UMAD1: variants seen among roughly 807,000 people sequenced by gnomAD.
UMAD1 encodes the protein UBAP1-MVB12-associated (UMA)-domain containing protein 1.
In UMAD1, 8 loss-of-function variants were observed where a neutral mutation model predicts 6.1. That is an observed-to-expected ratio of 1.30 (90% CI 0.76 to 2.35). The LOEUF (loss-of-function observed/expected upper bound fraction) is 2.35. Among genes scored for constraint, UMAD1 ranks in the 30% most tolerant of loss-of-function variants. The pLI is 0.00. For missense variants in UMAD1, 130 were observed against 78.4 expected, an observed-to-expected ratio of 1.66 and a Z score of -2.49; for synonymous variants, 56 against 31.4, an observed-to-expected ratio of 1.78 and a Z score of -2.61.
chr7:7,786,927 A>G (rs1490843852), intron 2 of UMAD1, among the ~76,000 whole-genome samples: 2 of 152,232 alleles, frequency 1.3e-5, no homozygotes, highest in Admixed American at 6.5e-5. Flanking sequence ...CTACTCTTAG[A>G]CAACTTTGCG....
chr7:7,659,844 C>A (rs927729765), intron 1 of UMAD1, among the ~76,000 whole-genome samples: 7 of 152,064 alleles, frequency 4.6e-5, no homozygotes, highest in African/African-American at 1.7e-4. Context: ...AAGTTCAAGT[C>A]CTGAATATCC....
chr7:7,840,223 G>C (rs1036026838), intron 3 of UMAD1, among the ~76,000 whole-genome samples: 4 of 152,090 alleles, frequency 2.6e-5, no homozygotes, highest in Admixed American at 6.5e-5. Flanking sequence ...GGTCTAAGAT[G>C]ATCATGGGAA....
In UMAD1 at chr7:7,812,840, C is replaced by A. The variant is rs79030081; in HGVS notation, c.156+11097C>A. The stretch of plus-strand genomic sequence containing the variant: ...TCAAATTCTGTTTTTTAATTAGTGG[C>A]AAATGGTCCTTATTTTGTCCTCCTT... On this transcript the variant is annotated intron_variant, in intron 3 of 3. Coordinates refer to ENST00000682710, the MANE Select transcript of UMAD1 (RefSeq NM_001302348.2). Among the ~76,000 whole-genome samples, 4 of 148,522 alleles carry A rather than the reference C, an allele frequency of 2.7e-5. No individual in the cohort carries two copies. In the East Asian group the frequency reaches 7.9e-4, roughly 29 times the overall value.
At chr7:7,789,418 C>A (rs1292680835) in intron 2 of UMAD1, among the ~76,000 whole-genome samples, 1 of 151,564 alleles carries the variant, frequency 6.6e-6, no homozygotes, top group African/African-American at 2.4e-5. Context: ...TGAAAAAGTA[C>A]CAATTTATTG....
intron 2 of UMAD1, among the ~76,000 whole-genome samples, chr7:7,794,012 A>G (rs546745637): frequency 8.5e-5 from 13 of 152,324 alleles, no homozygotes; most frequent in African/African-American, 3.1e-4. Flanking sequence ...TAGGAAATCA[A>G]CTGGAAGAGA....
In UMAD1 at chr7:7,683,630, TC is replaced by T. The variant is rs201808655; in HGVS notation, c.82+10178del. 2.1e-3 allele frequency among the ~76,000 whole-genome samples: 312 copies of T among 149,390 alleles called. 1 individual carries two copies. Among genetic ancestry groups the T allele is most frequent in the Middle Eastern group, 3.5e-3 (1 of 288 alleles). On this transcript the variant is annotated intron_variant, in intron 2 of 3. Coordinates refer to ENST00000682710, the MANE Select transcript of UMAD1 (RefSeq NM_001302348.2). ...AATGAAATTTGTTTTCTTTTCCTTTTCTTTTTTTTAGACGGAGTTTTTGCTC... is the reference window on the plus strand; with the variant it reads ...AATGAAATTTGTTTTCTTTTCCTTTTTTTTTTTTAGACGGAGTTTTTGCTC...
intron 3 of UMAD1, among the ~76,000 whole-genome samples, chr7:7,811,849 T>C (rs1433325361): frequency 1.3e-5 from 2 of 151,902 alleles, no homozygotes; most frequent in Non-Finnish European, 2.9e-5. Flanking sequence ...AGAGTGTTTG[T>C]CTTGGGAAAT....
intron 2 of UMAD1, among the ~76,000 whole-genome samples, chr7:7,798,073 G>A (rs891916901): frequency 6.6e-6 from 1 of 152,108 alleles, no homozygotes; most frequent in Non-Finnish European, 1.5e-5. Context: ...ACTTGTTTTT[G>A]TAAACAAAAT....
At chr7:7,783,038 T>A (rs10275848) in intron 2 of UMAD1, among the ~76,000 whole-genome samples, 88,081 of 151,848 alleles carry the variant, frequency 0.58, 26,795 homozygotes, top group Admixed American at 0.66. Context: ...CAACCTAGTG[T>A]ATAATCTGTT....
chr7:7,641,252 T>G (rs1784965603), intron 1 of UMAD1: 1 of 152,146 alleles, frequency 6.6e-6, no homozygotes. Context: ...GAGGCGCCGG[T>G]TCTTTCACCC....
At chr7:7,658,912 T>C (rs1785408524) in intron 1 of UMAD1, among the ~76,000 whole-genome samples, 1 of 152,320 alleles carries the variant, frequency 6.6e-6, no homozygotes, top group South Asian at 2.1e-4. Flanking sequence ...CTGGTAGAAT[T>C]TGGCTGTGAA....
intron 3 of UMAD1, among the ~76,000 whole-genome samples, chr7:7,827,698 A>T (rs1307545832): frequency 6.6e-6 from 1 of 152,196 alleles, no homozygotes; most frequent in African/African-American, 2.4e-5. Flanking sequence ...AAACAAATTA[A>T]GTTCTTCAGT....
intron 3 of UMAD1, among the ~76,000 whole-genome samples, chr7:7,852,202 G>T (rs901259382): frequency 3.9e-5 from 6 of 152,090 alleles, no homozygotes; most frequent in Non-Finnish European, 5.9e-5. Context: ...TTTATTTCTG[G>T]ATGTTTGGAA....
intron 3 of UMAD1, among the ~76,000 whole-genome samples, chr7:7,811,133 G>A (rs891544016): frequency 1.3e-5 from 2 of 152,004 alleles, no homozygotes; most frequent in South Asian, 4.2e-4. Context: ...TAAACATCTC[G>A]CTTCTTTCTT....
At chr7:7,773,039 A>T (rs1476460094) in intron 2 of UMAD1, among the ~76,000 whole-genome samples, 1 of 152,200 alleles carries the variant, frequency 6.6e-6, no homozygotes, top group African/African-American at 2.4e-5. Flanking sequence ...GAAACATGAG[A>T]TGCTCTGCTA....
intron 2 of UMAD1, among the ~76,000 whole-genome samples, chr7:7,704,125 T>G (rs1324058789): frequency 6.6e-6 from 1 of 152,198 alleles, no homozygotes; most frequent in African/African-American, 2.4e-5. Flanking sequence ...GTATTTCAAC[T>G]AAACAACACA....
intron 2 of UMAD1, among the ~76,000 whole-genome samples, chr7:7,789,320 A>T (rs1782519017): frequency 6.8e-6 from 1 of 146,134 alleles, no homozygotes; most frequent in Non-Finnish European, 1.5e-5. Flanking sequence ...CCCTTTAAAT[A>T]CCTATTTATT....
chr7:7,799,735 C>A (rs1209516745), intron 2 of UMAD1, among the ~76,000 whole-genome samples: 3 of 152,218 alleles, frequency 2.0e-5, no homozygotes, highest in Non-Finnish European at 4.4e-5. Flanking sequence ...GCAAACCAAA[C>A]TCCTCATGCA....
chr7:7,652,052 CT>C (rs1161981984), intron 1 of UMAD1, among the ~76,000 whole-genome samples: 1 of 152,144 alleles, frequency 6.6e-6, no homozygotes, highest in Non-Finnish European at 1.5e-5. Flanking sequence ...AAATCTAGTC[CT>C]GTAAGACTTT....
Sources: allele counts gnomAD v4.1 joint callset (sites outside exome capture counted in the v4.1 genomes callset), GRCh38; gene constraint gnomAD v4.1.1; transcripts MANE v1.5; gene names NCBI Gene and HGNC (gene_info 2026-07-23, HGNC 2026-07-21).